RUNX1T1: variants seen among roughly 807,000 people sequenced by gnomAD.
RUNX1T1 encodes protein CBFA2T1.
A neutral mutation model predicts 62.8 loss-of-function variants in RUNX1T1; 4 were observed. The ratio of observed to expected loss-of-function variants is 0.06; its 90% confidence interval spans 0.03 to 0.15. The LOEUF is 0.15. RUNX1T1 is among the 10% of genes least tolerant of loss of function. The probability of loss-of-function intolerance (pLI) is 1.00; values close to 1 mark genes in which losing one functional copy is unlikely to be tolerated. For synonymous variants in RUNX1T1, 291 were observed against 286.0 expected (o/e 1.02, Z -0.18); for missense variants, 508 against 754.3 (o/e 0.67, Z 3.82).
chr8:92,039,801 C>T (rs780048452), intron 1 of RUNX1T1, among the ~76,000 whole-genome samples: 26 of 152,328 alleles, frequency 1.7e-4, no homozygotes, highest in Admixed American at 3.9e-4. Context: ...TCCATACCAA[C>T]TGATCATTGG....
intron 5 of RUNX1T1, 60 bp from the exon 7 acceptor site, chr8:91,991,949 G>A (rs1293116916): frequency 1.9e-6 from 3 of 1,558,276 alleles, no homozygotes; most frequent in Non-Finnish European, 1.8e-6. Flanking sequence ...GCACAGTTCA[G>A]TCACTCATAT....
At chr8:92,059,796 C>A (rs934343174) in intron 1 of RUNX1T1, among the ~76,000 whole-genome samples, 1 of 152,056 alleles carries the variant, frequency 6.6e-6, no homozygotes, top group East Asian at 1.9e-4. Flanking sequence ...TAAGTAAAAC[C>A]AGATTTTGAA....
At chr8:92,014,538 C>T (rs1191810302) in intron 3 of RUNX1T1, 41 bp downstream of exon 4, 8 of 1,558,930 alleles carry the variant, frequency 5.1e-6, no homozygotes, top group South Asian at 2.4e-5. Context: ...CCCACACTAT[C>T]CCTTACACCA....
At chr8:92,037,437 G>A (rs933203843) in intron 1 of RUNX1T1, among the ~76,000 whole-genome samples, 1 of 152,146 alleles carries the variant, frequency 6.6e-6, no homozygotes, top group African/African-American at 2.4e-5. Flanking sequence ...CAGCACTTTG[G>A]GAGGCTGAGG....
Position 91,971,070 on chromosome 8 carries a change from T to C in RUNX1T1, c.1268-222A>G, listed in dbSNP as rs146184510. 821 of 396,576 alleles carry C rather than the reference T, an allele frequency of 2.1e-3. 8 individuals are homozygous for C. Among genetic ancestry groups the C allele is most frequent in the African/African-American group, 0.015 (750 of 48,614 alleles). 24.6% of individuals were successfully genotyped at this position (396,576 alleles called of 1,614,324 possible). The stretch of plus-strand genomic sequence containing the variant: ...CTGATTACTTTTTTGTAGAATTCTA[T>C]AGAAGAAGCATGACTCTCATCCAAA... On this transcript the variant is annotated intron_variant, in intron 9 of 10. Transcript: ENST00000396218.
At chr8:92,035,070 G>A (rs1827152389) in intron 1 of RUNX1T1, among the ~76,000 whole-genome samples, 3 of 151,918 alleles carry the variant, frequency 2.0e-5, no homozygotes, top group South Asian at 2.1e-4. Context: ...CAAGGAGGGC[G>A]GATCACCTGA....
chr8:92,044,654 T>C (rs35983766), intron 1 of RUNX1T1, among the ~76,000 whole-genome samples: 33,873 of 152,160 alleles, frequency 0.22, 3,919 homozygotes, highest in Middle Eastern at 0.27. Flanking sequence ...TTACTGTCAT[T>C]CTCATCACCA....
At chr8:92,006,993 T>C (rs1439412245) in intron 4 of RUNX1T1, among the ~76,000 whole-genome samples, 2 of 152,132 alleles carry the variant, frequency 1.3e-5, no homozygotes, top group Non-Finnish European at 2.9e-5. Flanking sequence ...TCCTACAGGA[T>C]AACAATGCTA....
At chr8:92,022,624 T>G (rs907889187) in intron 1 of RUNX1T1, among the ~76,000 whole-genome samples, 2 of 152,162 alleles carry the variant, frequency 1.3e-5, no homozygotes, top group Non-Finnish European at 2.9e-5. Flanking sequence ...AGCTGCCATC[T>G]TGAGAGCAGA....
chr8:92,095,053 G>C, intron 1 of RUNX1T1: 2 of 1,535,620 alleles, frequency 1.3e-6, no homozygotes, highest in Non-Finnish European at 8.7e-7. Flanking sequence ...CTGGATAGCA[G>C]AGGTGATGGG....
chr8:92,050,727 T>C (rs545817841), intron 1 of RUNX1T1, among the ~76,000 whole-genome samples: 3 of 152,306 alleles, frequency 2.0e-5, no homozygotes, highest in Admixed American at 6.5e-5. Context: ...GGTTAGTTAG[T>C]GACTACTAAG....
intron 1 of RUNX1T1, among the ~76,000 whole-genome samples, chr8:92,084,074 G>C (rs1835704017): frequency 6.6e-6 from 1 of 152,000 alleles, no homozygotes; most frequent in African/African-American, 2.4e-5. Flanking sequence ...ACAGGGAGGG[G>C]AACATCACAC....
In RUNX1T1 at chr8:92,095,681, G is replaced by C. The variant is rs1362562455; in HGVS notation, c.-86+3899C>G. The C allele has an allele frequency of 1.9e-5, 17 of 899,838 alleles. No homozygotes were observed. In the East Asian group the frequency reaches 4.8e-4, roughly 26 times the overall value. The allele number at this position is 899,838 out of a possible 1,614,324, so 55.7% of individuals were successfully genotyped here. A position where few individuals can be genotyped will look rare whatever the true frequency, so the allele number is the denominator to read the frequency against. On this transcript the variant is annotated intron_variant, in intron 1 of 11. Transcript: ENST00000265814. ...AGGAGAGACACAGGCAGGAGGGAAG[G>C]AGGGATGGAGGAGGGGGCGGGGGCT... is the stretch of plus-strand genomic sequence containing the variant.
intron 1 of RUNX1T1, among the ~76,000 whole-genome samples, chr8:92,043,364 A>T (rs928410673): frequency 4.6e-5 from 7 of 152,124 alleles, no homozygotes; most frequent in African/African-American, 1.7e-4. Flanking sequence ...TTCCTCTCTG[A>T]GTCCCAGTCT....
intron 1 of RUNX1T1, among the ~76,000 whole-genome samples, chr8:92,093,800 C>A (rs1247676862): frequency 2.6e-5 from 4 of 152,280 alleles, no homozygotes; most frequent in East Asian, 3.9e-4. Context: ...AAAGGTAAAT[C>A]TTGAAAATGG....
chr8:92,083,608 G>A (rs1835628532), intron 1 of RUNX1T1, among the ~76,000 whole-genome samples: 1 of 152,144 alleles, frequency 6.6e-6, no homozygotes, highest in Non-Finnish European at 1.5e-5. Context: ...AACAGATACT[G>A]GAGAGGATGT....
chr8:92,021,444 T>G (rs1824077444), intron 1 of RUNX1T1, among the ~76,000 whole-genome samples: 1 of 152,094 alleles, frequency 6.6e-6, no homozygotes, highest in Non-Finnish European at 1.5e-5. Flanking sequence ...TGATGAGCAC[T>G]GTGGTAATGC....
chr8:92,044,783 G>T (rs996113637), intron 1 of RUNX1T1, among the ~76,000 whole-genome samples: 1 of 152,130 alleles, frequency 6.6e-6, no homozygotes. Flanking sequence ...TAAAAGGAGG[G>T]AAGATGAGAA....
rs1462559178 is a variant in RUNX1T1, at chr8:92,013,667, G to A, written c.387+912C>T. ...TACTCGAAAATCCTCCACTTCTACAGAAAATCACAACACATGGAAAAGTGA... is the reference window on the plus strand; with the variant it reads ...TACTCGAAAATCCTCCACTTCTACAAAAAATCACAACACATGGAAAAGTGA... On this transcript the variant is annotated intron_variant, in intron 3 of 10. Transcript: ENST00000396218. Among the ~76,000 whole-genome samples, 3 of 152,064 alleles carry A rather than the reference G, an allele frequency of 2.0e-5. No individual in the cohort carries two copies. In the East Asian group the frequency reaches 5.8e-4, roughly 29 times the overall value.
Sources: allele counts gnomAD v4.1 joint callset (sites outside exome capture counted in the v4.1 genomes callset), GRCh38; gene constraint gnomAD v4.1.1; transcripts MANE v1.5; gene names NCBI Gene and HGNC (gene_info 2026-07-23, HGNC 2026-07-21).